The following TGFB1 variants were observed in gnomAD, a reference collection of about 807,000 sequenced individuals.
TGFB1 encodes transforming growth factor beta-1 proprotein.
TGFB1 carries 19 observed loss-of-function variants against 43.8 expected under a neutral mutation model. The observed-to-expected ratio is 0.43, with a 90% CI of 0.30 to 0.64. The LOEUF (loss-of-function observed/expected upper bound fraction) is 0.64. Among genes scored for constraint, TGFB1 ranks in the 30% least tolerant of loss-of-function variants. TGFB1 has a pLI of 0.11. For missense variants in TGFB1, 445 were observed against 529.8 expected (o/e 0.84, Z 1.57); for synonymous variants, 221 against 236.3 (o/e 0.94, Z 0.60).
At chr19:41,352,659 C>G in intron 1 of TGFB1, 31 bp downstream of exon 1, 1 of 1,610,060 alleles carries the variant, frequency 6.2e-7, no homozygotes. Context: ...TGGGGGCCCC[C>G]CTCCCGGCTC....
At chr19:41,350,307 CTTTTT>C (rs55873066) in intron 1 of TGFB1, among the ~76,000 whole-genome samples, 34 of 119,702 alleles carry the variant, frequency 2.8e-4, no homozygotes, top group African/African-American at 1.1e-3. Context: ...GTTTTCTTTT[CTTTTT>C]TTTTTTTTTT....
At chr19:41,347,122 A>C (rs992957599) in intron 2 of TGFB1, among the ~76,000 whole-genome samples, 5 of 152,132 alleles carry the variant, frequency 3.3e-5, no homozygotes, top group Non-Finnish European at 5.9e-5. Context: ...TCCTGGGCTC[A>C]ATCAATCCTC....
chr19:41,337,068 C>G (rs2037995800), intron 5 of TGFB1, among the ~76,000 whole-genome samples: 1 of 151,978 alleles, frequency 6.6e-6, no homozygotes, highest in African/African-American at 2.4e-5. Context: ...AGTGATTCTC[C>G]TGCCTCAGTC....
At chr19:41,342,123 C>A (rs1353201458) in intron 4 of TGFB1, 47 bp downstream of exon 4, 1 of 1,611,788 alleles carries the variant, frequency 6.2e-7, no homozygotes, top group Non-Finnish European at 8.5e-7. Context: ...GGAACACACA[C>A]ACGCACACAC....
At position 41,332,200 on chromosome 19, in the gene TGFB1, G is replaced by A. The variant is rs759582721; in HGVS notation, c.942C>T (p.Pro314=). 3.7e-6 allele frequency: 6 copies of A among 1,614,146 alleles called. No homozygotes were observed. Among genetic ancestry groups the A allele is most frequent in the African/African-American group, 1.3e-5 (1 of 75,028 alleles). The part of the protein sequence containing the change: ...KDLGWKWIHE[P]KGYHANFCLG... ...GGCAGAAGTTGGCATGGTAGCCCTT[G>A]GGCTCGTGGATCCACTTCCAGCCGA... The change falls in exon 6 of 7, where the codon CCC becomes CCT. Residue 314 remains proline (P), a synonymous_variant. Transcript: ENST00000221930.
At chr19:41,343,139 CT>C (rs67233828) in intron 3 of TGFB1, among the ~76,000 whole-genome samples, 33 of 143,438 alleles carry the variant, frequency 2.3e-4, no homozygotes, top group Non-Finnish European at 3.0e-4. Flanking sequence ...TTTTTCTTTT[CT>C]TTTTTTTTTT....
chr19:41,335,606 A>AT (rs1313475492), intron 5 of TGFB1, among the ~76,000 whole-genome samples: 2 of 152,048 alleles, frequency 1.3e-5, no homozygotes, highest in East Asian at 1.9e-4. Context: ...CCTCTGACTC[A>AT]TTTTTTCAGC....
chr19:41,341,520 C>A (rs1243693122), intron 5 of TGFB1, among the ~76,000 whole-genome samples: 2 of 143,400 alleles, frequency 1.4e-5, no homozygotes, highest in African/African-American at 5.1e-5. Flanking sequence ...TACAAGACTC[C>A]CAGTTCTTTT....
At chr19:41,338,054 C>T (rs1258390381) in intron 5 of TGFB1, among the ~76,000 whole-genome samples, 2 of 148,460 alleles carry the variant, frequency 1.3e-5, no homozygotes, top group African/African-American at 2.5e-5. Flanking sequence ...TACCCGGGTG[C>T]GATGGCGGAT....
In TGFB1 at chr19:41,341,798, C is replaced by T. The variant is rs554530592; in HGVS notation, c.860+85G>A. ...TGCTCAGCCCAAGCACAGCAGCAGC[C>T]AGGTGTCCAACCTGGAGCACCTGGT... On this transcript the variant is annotated intron_variant, in intron 5 of 6. Coordinates refer to ENST00000221930, the MANE Select transcript of TGFB1 (RefSeq NM_000660.7). 2.8e-5 allele frequency: 44 copies of T among 1,568,680 alleles called. No homozygotes were observed. In the African/African-American group the frequency reaches 4.2e-4, roughly 15 times the overall value.
At chr19:41,337,429 C>A (rs541602931) in intron 5 of TGFB1, among the ~76,000 whole-genome samples, 1 of 151,934 alleles carries the variant, frequency 6.6e-6, no homozygotes, top group Admixed American at 6.6e-5. Flanking sequence ...GTGTGAGCCA[C>A]GACAGCTGGC....
chr19:41,339,256 C>T (rs982428940), intron 5 of TGFB1, among the ~76,000 whole-genome samples: 1 of 151,942 alleles, frequency 6.6e-6, no homozygotes, highest in African/African-American at 2.4e-5. Context: ...GCTGGGACTA[C>T]AGGCACACAC....
At chr19:41,332,850 C>G in intron 5 of TGFB1, among the ~76,000 whole-genome samples, 1 of 152,176 alleles carries the variant, frequency 6.6e-6, no homozygotes, top group East Asian at 1.9e-4. Flanking sequence ...GCCTGGACAA[C>G]AAAGTGCAAG....
At chr19:41,344,118 A>C (rs1483645054) in intron 3 of TGFB1, among the ~76,000 whole-genome samples, 2 of 151,352 alleles carry the variant, frequency 1.3e-5, no homozygotes, top group African/African-American at 2.4e-5. Context: ...AAGCAGCTGG[A>C]ACTACAGGCA....
intron 1 of TGFB1, among the ~76,000 whole-genome samples, chr19:41,350,408 G>A (rs1432751596): frequency 6.7e-6 from 1 of 149,654 alleles, no homozygotes; most frequent in Non-Finnish European, 1.5e-5. Context: ...AGGTTCAAGC[G>A]ATTCTCCTGC....
chr19:41,345,361 G>C (rs1271694132), intron 2 of TGFB1, among the ~76,000 whole-genome samples: 1 of 151,706 alleles, frequency 6.6e-6, no homozygotes, highest in African/African-American at 2.4e-5. Flanking sequence ...GCCAGGCATG[G>C]TGGCACACGC....
Position 41,331,220 on chromosome 19 carries a change from G to A in TGFB1, c.1015-10C>T. 1 of 1,509,658 alleles carries A rather than the reference G, an allele frequency of 6.6e-7. No homozygotes were observed. The allele number at this position is 1,509,658 out of a possible 1,614,324, so 93.5% of individuals were successfully genotyped here. Reference sequence around the variant, plus strand: ...TGTACAGGGCCAGGACCTGCGGGCGGCGGGCGGGGTCAGGGCTCAGGGCTC... The same window carrying A: ...TGTACAGGGCCAGGACCTGCGGGCGACGGGCGGGGTCAGGGCTCAGGGCTC... On this transcript the variant is annotated splice_polypyrimidine_tract_variant and intron_variant, in intron 6 of 6. Transcript: ENST00000221930.
In TGFB1 at chr19:41,331,218, C is replaced by T. The variant is rs199982059; in HGVS notation, c.1015-8G>A. The T allele has an allele frequency of 1.7e-4, 254 of 1,508,234 alleles. 1 individual carries two copies. In the East Asian group the frequency reaches 5.5e-3, roughly 32 times the overall value. 93.4% of individuals were successfully genotyped at this position (1,508,234 alleles called of 1,614,324 possible). A position where few individuals can be genotyped will look rare whatever the true frequency, so the allele number is the denominator to read the frequency against. On this transcript the variant is annotated splice_region_variant and splice_polypyrimidine_tract_variant and intron_variant, in intron 6 of 6. Coordinates refer to ENST00000221930, the MANE Select transcript of TGFB1 (RefSeq NM_000660.7). ...GTTGTACAGGGCCAGGACCTGCGGG[C>T]GGCGGGCGGGGTCAGGGCTCAGGGC...
At chr19:41,345,339 A>G (rs947463253) in intron 2 of TGFB1, among the ~76,000 whole-genome samples, 2 of 151,310 alleles carry the variant, frequency 1.3e-5, no homozygotes, top group African/African-American at 2.4e-5. Flanking sequence ...TCTACTAAAA[A>G]TACAAAAATT....
Sources: allele counts gnomAD v4.1 joint callset (sites outside exome capture counted in the v4.1 genomes callset), GRCh38; gene constraint gnomAD v4.1.1; transcripts MANE v1.5; gene names NCBI Gene and HGNC (gene_info 2026-07-23, HGNC 2026-07-21).